Variants in VRTN observed in about 807,000 individuals in gnomAD.
VRTN encodes vertebrae development associated, also known as vertnin.
In VRTN, 5 loss-of-function variants were observed where a neutral mutation model predicts 18.2. The ratio of observed to expected loss-of-function variants is 0.27; its 90% CI spans 0.14 to 0.58. The LOEUF (loss-of-function observed/expected upper bound fraction) is 0.58. VRTN is among the 20% of genes least tolerant of loss of function. The pLI is 0.91. For synonymous variants in VRTN, 381 were observed against 393.7 expected, an observed-to-expected ratio of 0.97 and a Z score of 0.38; for missense variants, 741 against 939.4, an observed-to-expected ratio of 0.79 and a Z score of 2.76.
At chr14:74,343,436 A>G (rs963601331) in intron 2 of VRTN, among the ~76,000 whole-genome samples, 4 of 152,088 alleles carry the variant, frequency 2.6e-5, no homozygotes, top group Admixed American at 6.6e-5. Context: ...GGCCTGGTAT[A>G]ACTTCTAAGT....
intron 2 of VRTN, among the ~76,000 whole-genome samples, chr14:74,341,709 G>A (rs4899510): frequency 0.29 from 44,432 of 151,756 alleles, 6,694 homozygotes; most frequent in East Asian, 0.44. Context: ...AGTAGAGATG[G>A]GCTTTCACCA....
At chr14:74,326,758 C>A (rs1251449323) in intron 1 of VRTN, among the ~76,000 whole-genome samples, 1 of 151,618 alleles carries the variant, frequency 6.6e-6, no homozygotes, top group African/African-American at 2.4e-5. Flanking sequence ...CCATTTACAT[C>A]TTTTACAGCC....
chr14:74,352,632 C>G (rs1312353629), intron 1 of VRTN, among the ~76,000 whole-genome samples: 2 of 152,082 alleles, frequency 1.3e-5, no homozygotes, highest in African/African-American at 2.4e-5. Context: ...CTCACTGTAA[C>G]CTCGAACTAT....
At chr14:74,325,989 C>T (rs2085485071) in intron 1 of VRTN, among the ~76,000 whole-genome samples, 1 of 152,118 alleles carries the variant, frequency 6.6e-6, no homozygotes, top group Non-Finnish European at 1.5e-5. Flanking sequence ...TTTACAAAAA[C>T]TCTGAGAAGT....
chr14:74,345,552 A>G (rs960079736), upstream of VRTN, among the ~76,000 whole-genome samples: 1 of 151,448 alleles, frequency 6.6e-6, no homozygotes, highest in Non-Finnish European at 1.5e-5. Context: ...AGGTTTCACC[A>G]TGTTGGTGAA....
intron 1 of VRTN, among the ~76,000 whole-genome samples, chr14:74,320,484 G>C (rs565078027): frequency 4.1e-5 from 6 of 144,726 alleles, no homozygotes; most frequent in South Asian, 4.4e-4. Context: ...GGATGGTCTC[G>C]ATCTCCTGAC....
intron 1 of VRTN, among the ~76,000 whole-genome samples, chr14:74,311,972 G>A (rs2085391550): frequency 6.6e-6 from 1 of 151,914 alleles, no homozygotes; most frequent in Non-Finnish European, 1.5e-5. Flanking sequence ...GTTTCACCAT[G>A]TTGGCCAGGC....
intron 1 of VRTN, among the ~76,000 whole-genome samples, chr14:74,349,276 G>GC (rs1441176216): frequency 0.03 from 2 of 66 alleles, no homozygotes; most frequent in African/African-American, 0.091. Flanking sequence ...CCCTTGCCCA[G>GC]CTGGCCTCCA....
intron 1 of VRTN, among the ~76,000 whole-genome samples, chr14:74,331,094 C>T (rs1047368687): frequency 1.3e-5 from 2 of 151,922 alleles, no homozygotes; most frequent in Admixed American, 6.6e-5. Flanking sequence ...CCCAGCTACT[C>T]GGGAGGCTGA....
chr14:74,351,928 C>T (rs2085687794), intron 1 of VRTN, among the ~76,000 whole-genome samples: 1 of 151,966 alleles, frequency 6.6e-6, no homozygotes, highest in Non-Finnish European at 1.5e-5. Context: ...ACTGCAACCT[C>T]CGTCTCTTGG....
intron 2 of VRTN, among the ~76,000 whole-genome samples, chr14:74,340,363 C>T (rs908732477): frequency 3.3e-5 from 5 of 152,162 alleles, no homozygotes; most frequent in East Asian, 1.9e-4. Context: ...CCACCCACCT[C>T]GGCCTCCCAA....
intron 1 of VRTN, among the ~76,000 whole-genome samples, chr14:74,322,844 A>T (rs909114649): frequency 6.6e-6 from 1 of 152,214 alleles, no homozygotes; most frequent in African/African-American, 2.4e-5. Flanking sequence ...CTTAAAAAGC[A>T]TACTAGGGAC....
intron 1 of VRTN, among the ~76,000 whole-genome samples, chr14:74,307,493 A>G (rs575799601): frequency 2.6e-5 from 4 of 152,204 alleles, no homozygotes; most frequent in Non-Finnish European, 5.9e-5. Context: ...ACAGTTTTTT[A>G]TAGATCTTTT....
intron 1 of VRTN, among the ~76,000 whole-genome samples, chr14:74,335,401 G>A (rs2085557124): frequency 1.3e-5 from 2 of 152,174 alleles, no homozygotes; most frequent in Admixed American, 1.3e-4. Flanking sequence ...AGGTGTCAAC[G>A]TAATGTGGTC....
chr14:74,347,031 T>C (rs567436690), upstream of VRTN, among the ~76,000 whole-genome samples: 1 of 152,308 alleles, frequency 6.6e-6, no homozygotes, highest in East Asian at 1.9e-4. Context: ...ACTTTAAAAA[T>C]ACAGCATATT....
chr14:74,308,869 T>TG (rs1318599182), intron 1 of VRTN, among the ~76,000 whole-genome samples: 4 of 149,520 alleles, frequency 2.7e-5, no homozygotes, highest in African/African-American at 9.8e-5. Flanking sequence ...TCTGTTTGTT[T>TG]TTTTTTTTTT....
chr14:74,306,853 G>T (rs569805596), intron 1 of VRTN, among the ~76,000 whole-genome samples: 1 of 151,456 alleles, frequency 6.6e-6, no homozygotes, highest in Non-Finnish European at 1.5e-5. Context: ...CGATGCTTCT[G>T]CCTCAGCCTC....
chr14:74,356,743 T>C (rs1567046437), intron 1 of VRTN, 40 bp from the exon 2 acceptor site: 1 of 1,534,862 alleles, frequency 6.5e-7, no homozygotes, highest in African/African-American at 1.4e-5. Context: ...ATCTGGGCAC[T>C]TCGACCTGAC....
intron 1 of VRTN, among the ~76,000 whole-genome samples, chr14:74,326,584 G>A (rs1017216887): frequency 1.3e-5 from 2 of 152,024 alleles, no homozygotes; most frequent in Non-Finnish European, 2.9e-5. Flanking sequence ...TGCTGGCAGC[G>A]GGGGCTCCAA....
Sources: allele counts gnomAD v4.1 joint callset (sites outside exome capture counted in the v4.1 genomes callset), GRCh38; gene constraint gnomAD v4.1.1; transcripts MANE v1.5; gene names NCBI Gene and HGNC (gene_info 2026-07-23, HGNC 2026-07-21).